PKP4: variants seen among roughly 807,000 people sequenced by gnomAD.
The protein encoded by PKP4 is plakophilin-4.
PKP4 carries 90 observed loss-of-function variants against 145.1 expected under a neutral mutation model. That is an observed-to-expected ratio of 0.62 (90% confidence interval 0.52 to 0.74). The LOEUF (loss-of-function observed/expected upper bound fraction) is 0.74, where lower values mean the gene tolerates loss of function less well. PKP4 is among the 30% of genes least tolerant of loss of function. PKP4 has a pLI of 0.00. For synonymous variants in PKP4, 563 were observed against 577.2 expected, an observed-to-expected ratio of 0.98 and a Z score of 0.35; for missense variants, 1,340 against 1,482.7, an observed-to-expected ratio of 0.90 and a Z score of 1.58.
intron 1 of PKP4, among the ~76,000 whole-genome samples, chr2:158,507,814 G>A (rs1196366428): frequency 6.6e-6 from 1 of 152,104 alleles, no homozygotes; most frequent in Admixed American, 6.5e-5. Context: ...TTCCTTGAGT[G>A]TGGATTGCTG....
At chr2:158,600,063 A>C (rs552806768) in intron 3 of PKP4, among the ~76,000 whole-genome samples, 7 of 152,346 alleles carry the variant, frequency 4.6e-5, no homozygotes, top group Admixed American at 4.6e-4. Flanking sequence ...TTTTCATGTA[A>C]TATTATGATG....
At chr2:158,553,315 T>C (rs1476411826) in intron 2 of PKP4, among the ~76,000 whole-genome samples, 1 of 152,208 alleles carries the variant, frequency 6.6e-6, no homozygotes, top group Non-Finnish European at 1.5e-5. Context: ...AACCTTTGAC[T>C]AGTGCTGAAG....
chr2:158,663,041 T>G lies in PKP4; in HGVS notation c.2356T>G (p.Trp786Gly). The G allele has an allele frequency of 1.2e-6, 2 of 1,613,294 alleles. No individual in the cohort carries two copies. The highest frequency in any genetic ancestry group is 1.7e-6 in the Non-Finnish European group (2 of 1,179,802). Residue 786 changes from tryptophan to glycine, a missense_variant, in exon 14 of 22, where the codon TGG becomes GGG. Coordinates refer to ENST00000389759, the MANE Select transcript of PKP4 (RefSeq NM_003628.6). ...CAGCAAAGACTCTGAGCCAAGTTGCTGGGGGAAGAAGAAGAAAAAGAAAAA... is the reference window on the plus strand; with the variant it reads ...CAGCAAAGACTCTGAGCCAAGTTGCGGGGGGAAGAAGAAGAAAAAGAAAAA... ...SPSKDSEPSC[W>G]GKKKKKKKRT... is the part of the protein sequence containing the mutation.
intron 3 of PKP4, among the ~76,000 whole-genome samples, chr2:158,594,229 A>G (rs911125678): frequency 2.6e-5 from 4 of 152,068 alleles, no homozygotes; most frequent in African/African-American, 9.7e-5. Context: ...CCTGTTGCTG[A>G]TGGGTCAGGA....
At chr2:158,475,593 G>C (rs1323209837) in intron 1 of PKP4, among the ~76,000 whole-genome samples, 1 of 152,248 alleles carries the variant, frequency 6.6e-6, no homozygotes, top group Non-Finnish European at 1.5e-5. Context: ...CCACCTACCT[G>C]TGTTGGGGCA....
chr2:158,632,693 A>G (rs751449262), intron 8 of PKP4: 2 of 152,150 alleles, frequency 1.3e-5, no homozygotes, highest in Non-Finnish European at 1.5e-5. Context: ...CTAGGTAGCA[A>G]TAATAACCCC....
chr2:158,508,361 C>T (rs552990661), intron 1 of PKP4, among the ~76,000 whole-genome samples: 1 of 61,018 alleles, frequency 1.6e-5, no homozygotes, highest in Non-Finnish European at 2.9e-5. Context: ...AGCAAAACTC[C>T]GTCTCAAAAA....
At chr2:158,558,468 G>A (rs2046271899) in intron 2 of PKP4, among the ~76,000 whole-genome samples, 1 of 152,116 alleles carries the variant, frequency 6.6e-6, no homozygotes. Context: ...TGAATGTCAA[G>A]GAGGAAGTCA....
At chr2:158,642,855 T>C (rs534071419) in intron 11 of PKP4, among the ~76,000 whole-genome samples, 156 bp downstream of exon 11, 20 of 152,182 alleles carry the variant, frequency 1.3e-4, no homozygotes, top group Non-Finnish European at 2.6e-4. Context: ...AATTATTTAG[T>C]CTAATGAGTC....
chr2:158,466,725 A>AT (rs527967388), intron 1 of PKP4, among the ~76,000 whole-genome samples: 1 of 152,118 alleles, frequency 6.6e-6, no homozygotes, highest in Non-Finnish European at 1.5e-5. Flanking sequence ...TAATTAGAAG[A>AT]TTTTAAACAG....
intron 11 of PKP4, among the ~76,000 whole-genome samples, chr2:158,643,937 T>C (rs1267525008): frequency 1.3e-5 from 2 of 152,026 alleles, no homozygotes; most frequent in African/African-American, 4.8e-5. Context: ...AGCTAATTTT[T>C]GTATTTTTAG....
chr2:158,656,861 C>G (rs987644513), intron 11 of PKP4, among the ~76,000 whole-genome samples: 1 of 152,202 alleles, frequency 6.6e-6, no homozygotes, highest in African/African-American at 2.4e-5. Flanking sequence ...ATACCACCCT[C>G]TTTTACAGGG....
intron 4 of PKP4, among the ~76,000 whole-genome samples, chr2:158,617,063 C>G (rs1194495725): frequency 6.6e-6 from 1 of 152,172 alleles, no homozygotes; most frequent in Non-Finnish European, 1.5e-5. Flanking sequence ...CCCTTACCCA[C>G]TAGTATTTTC....
intron 2 of PKP4, among the ~76,000 whole-genome samples, chr2:158,551,857 AAAC>A (rs1574440446): frequency 6.6e-6 from 1 of 152,346 alleles, no homozygotes; most frequent in East Asian, 1.9e-4. Context: ...AGTAATTTTG[AAAC>A]AACTATAACT....
chr2:158,642,783 G>T, intron 11 of PKP4, 84 bp downstream of exon 11: 1 of 970,296 alleles, frequency 1.0e-6, no homozygotes, highest in Non-Finnish European at 1.6e-6. Flanking sequence ...CTATGGAAGA[G>T]TTGGAGGTTC....
intron 1 of PKP4, among the ~76,000 whole-genome samples, chr2:158,459,640 A>G (rs1291454614): frequency 6.6e-6 from 1 of 152,186 alleles, no homozygotes; most frequent in African/African-American, 2.4e-5. Flanking sequence ...CCAACAGGAA[A>G]CTTTTATTAT....
Position 158,663,263 on chromosome 2 carries a change from G to A in PKP4, c.2404-9G>A. On this transcript the variant is annotated splice_polypyrimidine_tract_variant and intron_variant, in intron 14 of 21. Coordinates refer to ENST00000389759, the MANE Select transcript of PKP4 (RefSeq NM_003628.6). ...TGCCTCCATTTAACGTGTGCTGTTT[G>A]TCTTTCAGTGGGATGGAGTTGGTCC... 1.2e-6 allele frequency: 2 copies of A among 1,610,580 alleles called. No individual in the cohort carries two copies. Among genetic ancestry groups the A allele is most frequent in the Admixed American group, 1.7e-5 (1 of 59,598 alleles).
chr2:158,672,003 C>A (rs2057604733), intron 17 of PKP4, among the ~76,000 whole-genome samples: 1 of 152,148 alleles, frequency 6.6e-6, no homozygotes, highest in East Asian at 1.9e-4. Context: ...ACCTTGTGTG[C>A]TTGAGGAACA....
At chr2:158,573,654 C>CAAA (rs56145817) in intron 2 of PKP4, among the ~76,000 whole-genome samples, 44 of 128,110 alleles carry the variant, frequency 3.4e-4, no homozygotes, top group South Asian at 1.2e-3. Context: ...AAATGGAAGC[C>CAAA]AAAAAAAAAA....
Sources: gnomAD v4.1 joint callset for allele counts (sites outside exome capture counted in the v4.1 genomes callset) on GRCh38, gnomAD v4.1.1 for gene constraint, MANE v1.5 for transcripts, NCBI Gene and HGNC (gene_info 2026-07-23, HGNC 2026-07-21) for gene names.